The following ADCY10 variants were observed in gnomAD, a reference collection of about 807,000 sequenced individuals.
The protein encoded by ADCY10 is adenylate cyclase type 10.
In ADCY10, 156 loss-of-function variants were observed where a neutral mutation model predicts 183.3. The ratio of observed to expected loss-of-function variants is 0.85; its 90% CI spans 0.75 to 0.97. The LOEUF is 0.97. Among genes scored for constraint, ADCY10 ranks in the 50% least tolerant of loss-of-function variants. ADCY10 has a pLI of 0.00. For missense variants in ADCY10, 1,745 were observed against 1,934.3 expected (o/e 0.90, Z 1.84); for synonymous variants, 645 against 670.0 (o/e 0.96, Z 0.58).
At chr1:167,834,474 A>G (rs905641085) in intron 23 of ADCY10, 1 of 269,352 alleles carries the variant, frequency 3.7e-6, no homozygotes, top group Non-Finnish European at 7.2e-6. Context: ...CATCTGTGAG[A>G]AGTTGGTCTT....
intron 31 of ADCY10, among the ~76,000 whole-genome samples, chr1:167,814,659 T>C (rs1662415654): frequency 6.6e-6 from 1 of 152,014 alleles, no homozygotes; most frequent in Admixed American, 6.6e-5. Flanking sequence ...CAACTAAATA[T>C]AACAAACATA....
Position 167,880,527 on chromosome 1 carries a change from T to C in ADCY10, c.1103A>G (p.Asp368Gly), listed in dbSNP as rs750521998. 1 of 1,613,974 alleles carries C rather than the reference T, an allele frequency of 6.2e-7. No individual in the cohort carries two copies. The highest frequency in any genetic ancestry group is 2.2e-5 in the East Asian group (1 of 44,870). The change falls in exon 10 of 33, where the codon GAT (aspartate) becomes GGT (glycine). Residue 368 changes from aspartate to glycine, a missense_variant. Transcript: ENST00000367851. ...GACTTGAGAGCAGAAGTCAAATATA[T>C]CCATAGCACATTCCAGAGCATGAGT... Reference protein sequence around the residue: ...ELTHALECAMDIFDFCSQVHK... With the variant: ...ELTHALECAMGIFDFCSQVHK...
chr1:167,905,599 T>TAA (rs34148403), intron 1 of ADCY10, among the ~76,000 whole-genome samples: 1,861 of 145,858 alleles, frequency 0.013, 15 homozygotes, highest in South Asian at 0.031. Flanking sequence ...TTTCTCTCTT[T>TAA]AAAAAAAAAA....
chr1:167,842,892 A>G lies in ADCY10; in HGVS notation c.3007+2671T>C, dbSNP rs150913569. Among the ~76,000 whole-genome samples the G allele has an allele frequency of 9.2e-5, 14 of 152,346 alleles. No homozygotes were observed. In the East Asian group the frequency reaches 2.7e-3, roughly 29 times the overall value. ...TTAGTATATGGAGGTAATGACTAGA[A>G]AGAACAGCTAAATTAAAAATGTTTG... On this transcript the variant is annotated intron_variant, in intron 21 of 32. Transcript: ENST00000367851.
At chr1:167,817,152 T>G (rs1662580757) in intron 31 of ADCY10, among the ~76,000 whole-genome samples, 1 of 152,050 alleles carries the variant, frequency 6.6e-6, no homozygotes. Flanking sequence ...TCACTTGAGG[T>G]CAAGAGTTCA....
At chr1:167,902,104 T>TA (rs748649541) in intron 3 of ADCY10, 50 bp from the exon 4 acceptor site, 21 of 1,528,544 alleles carry the variant, frequency 1.4e-5, no homozygotes, top group Non-Finnish European at 1.7e-5. Context: ...TTAAAGGTAG[T>TA]AAAAAAACAT....
chr1:167,903,092 T>G (rs915285988), intron 3 of ADCY10, among the ~76,000 whole-genome samples: 1 of 147,768 alleles, frequency 6.8e-6, no homozygotes, highest in Admixed American at 6.7e-5. Context: ...CTATCTCTAC[T>G]GAAAAAAATA....
chr1:167,813,529 G>A (rs1395343502), intron 31 of ADCY10, among the ~76,000 whole-genome samples: 2 of 151,768 alleles, frequency 1.3e-5, no homozygotes, highest in East Asian at 3.9e-4. Context: ...GAAAAGAAAA[G>A]AAAGAAAGAC....
chr1:167,854,393 C>G lies in ADCY10; in HGVS notation c.2268G>C (p.Glu756Asp). 6.2e-7 allele frequency: 1 copy of G among 1,614,180 alleles called. No individual in the cohort carries two copies. The highest frequency in any genetic ancestry group is 8.5e-7 in the Non-Finnish European group (1 of 1,180,020). ...AGGTCCTATTTGTCTTTTCCTCAGA[C>G]TCCGTTTGTTGGAAAACGAGTACCT... ...HHEVLVFQQT[E>D]SEEKTNRTWN... Residue 756 changes from glutamate (E) to aspartate (D), a missense_variant, in exon 18 of 33, where the codon GAG becomes GAC. Coordinates refer to ENST00000367851, the MANE Select transcript of ADCY10 (RefSeq NM_018417.6).
At chr1:167,863,366 G>A (rs1042472796) in intron 14 of ADCY10, among the ~76,000 whole-genome samples, 2 of 152,240 alleles carry the variant, frequency 1.3e-5, no homozygotes, top group East Asian at 3.9e-4. Flanking sequence ...CACAGCCCCT[G>A]TCACGTACCC....
chr1:167,907,519 G>A (rs766648549), intron 1 of ADCY10, among the ~76,000 whole-genome samples: 7 of 152,238 alleles, frequency 4.6e-5, no homozygotes, highest in Non-Finnish European at 8.8e-5. Flanking sequence ...CAGAAGTGAC[G>A]TATTTCACTT....
At chr1:167,879,964 G>C in intron 11 of ADCY10, 151 bp downstream of exon 11, 1 of 715,694 alleles carries the variant, frequency 1.4e-6, no homozygotes, top group Non-Finnish European at 2.5e-6. Context: ...CAAGCATTGA[G>C]GGCTCCATGG....
intron 31 of ADCY10, among the ~76,000 whole-genome samples, chr1:167,815,275 G>A (rs557711357): frequency 6.6e-6 from 1 of 152,296 alleles, no homozygotes; most frequent in African/African-American, 2.4e-5. Flanking sequence ...TTTCAGCAGA[G>A]GAAGAGGAAA....
chr1:167,842,635 T>G (rs1275580899), intron 21 of ADCY10, among the ~76,000 whole-genome samples: 1 of 152,016 alleles, frequency 6.6e-6, no homozygotes, highest in Non-Finnish European at 1.5e-5. Flanking sequence ...AAATAAACAT[T>G]TGTTAAGAAA....
rs1370217792 is a variant in ADCY10 at position 167,829,115 on chromosome 1, G to A, written c.3750+152C>T. ...TGTGAAGTGATCCTGGAGCCAAAGTGTTTGAGAACTGCTGGCCTTGTCAAA... is the reference window on the plus strand; with the variant it reads ...TGTGAAGTGATCCTGGAGCCAAAGTATTTGAGAACTGCTGGCCTTGTCAAA... On this transcript the variant is annotated intron_variant, in intron 26 of 32. Coordinates refer to ENST00000367851, the MANE Select transcript of ADCY10 (RefSeq NM_018417.6). 3.6e-6 allele frequency: 3 copies of A among 824,886 alleles called. No individual in the cohort carries two copies. The Admixed American group carries it at 6.6e-5, about 18-fold the overall frequency. The allele number at this position is 824,886 out of a possible 1,614,324, so 51.1% of individuals were successfully genotyped here. A position where few individuals can be genotyped will look rare whatever the true frequency, so the allele number is the denominator to read the frequency against.
chr1:167,896,349 G>A (rs1159641759), intron 7 of ADCY10, among the ~76,000 whole-genome samples: 1 of 152,202 alleles, frequency 6.6e-6, no homozygotes, highest in Non-Finnish European at 1.5e-5. Flanking sequence ...TATCCTAGGG[G>A]ATACTTATTA....
Position 167,836,540 on chromosome 1 carries a change from AC to A in ADCY10, c.3078-1del, listed in dbSNP as rs1558165857. 1 of 1,569,194 alleles carries A rather than the reference AC, an allele frequency of 6.4e-7. No homozygotes were observed. Among genetic ancestry groups the A allele is most frequent in the East Asian group, 2.2e-5 (1 of 44,630 alleles). ...AGATCTTTTCTCTTATTTCTTCAGG[AC>A]TGTCCATATGCAGAAATAAATAATA... On this transcript the variant is annotated splice_acceptor_variant, in intron 22 of 32. Coordinates refer to ENST00000367851, the MANE Select transcript of ADCY10 (RefSeq NM_018417.6). LOFTEE classifies it high-confidence loss of function.
At chr1:167,886,117 A>G (rs1345793170) in intron 8 of ADCY10, among the ~76,000 whole-genome samples, 1 of 152,124 alleles carries the variant, frequency 6.6e-6, no homozygotes, top group Non-Finnish European at 1.5e-5. Context: ...AAATGGCCAT[A>G]CTGCTCAAGG....
intron 26 of ADCY10, among the ~76,000 whole-genome samples, chr1:167,827,108 C>A (rs958684165): frequency 6.6e-6 from 1 of 152,110 alleles, no homozygotes; most frequent in Non-Finnish European, 1.5e-5. Context: ...TGCTACTTGA[C>A]CCCTTCCCTT....
Sources: allele counts gnomAD v4.1 joint callset (sites outside exome capture counted in the v4.1 genomes callset), GRCh38; gene constraint gnomAD v4.1.1; transcripts MANE v1.5; gene names NCBI Gene and HGNC (gene_info 2026-07-23, HGNC 2026-07-21).